NFILZ: variants seen among roughly 807,000 people sequenced by gnomAD.
NFILZ encodes the protein NFIL3 like protein.
intron 3 of NFILZ, among the ~76,000 whole-genome samples, chr19:8,649,587 A>G (rs1219026045): frequency 6.6e-6 from 1 of 152,014 alleles, no homozygotes; most frequent in Non-Finnish European, 1.5e-5. Context: ...TTTTCAAAGC[A>G]TAATTTTTCC....
intron 3 of NFILZ, among the ~76,000 whole-genome samples, chr19:8,640,117 G>A (rs1026113345): frequency 5.9e-5 from 9 of 151,962 alleles, no homozygotes; most frequent in Admixed American, 1.3e-4. Flanking sequence ...TCATGGTTGC[G>A]TCTTGGCCTG....
At chr19:8,660,356 G>A (rs2043023812) in intron 3 of NFILZ, among the ~76,000 whole-genome samples, 2 of 151,874 alleles carry the variant, frequency 1.3e-5, no homozygotes, top group South Asian at 4.2e-4. Flanking sequence ...AGACACAGAG[G>A]GGGAATGGTC....
At chr19:8,653,793 G>A (rs1227977935) in intron 3 of NFILZ, among the ~76,000 whole-genome samples, 15 of 152,204 alleles carry the variant, frequency 9.9e-5, no homozygotes, top group Admixed American at 6.6e-5. Context: ...GCATAGAATG[G>A]CATCATGGAT....
chr19:8,671,303 A>G (rs2043085754), intron 3 of NFILZ, among the ~76,000 whole-genome samples: 1 of 152,022 alleles, frequency 6.6e-6, no homozygotes. Flanking sequence ...CTGCGACCAC[A>G]GGAAGGCCCA....
At chr19:8,653,858 A>C (rs11878369) in intron 3 of NFILZ, among the ~76,000 whole-genome samples, 1 of 152,194 alleles carries the variant, frequency 6.6e-6, no homozygotes, top group South Asian at 2.1e-4. Context: ...AAAAGGCTAC[A>C]TGTTGGGTAC....
intron 3 of NFILZ, among the ~76,000 whole-genome samples, chr19:8,641,652 G>A (rs188168126): frequency 6.6e-6 from 1 of 152,252 alleles, no homozygotes; most frequent in African/African-American, 2.4e-5. Context: ...ACAGCCCTTG[G>A]TGTCAGAGTA....
intron 3 of NFILZ, among the ~76,000 whole-genome samples, chr19:8,665,783 T>C (rs1405379093): frequency 5.9e-5 from 9 of 152,246 alleles, no homozygotes; most frequent in Admixed American, 3.9e-4. Flanking sequence ...AAAATTGGTA[T>C]CTCATGTAAA....
Position 8,658,056 on chromosome 19 carries a change from T to TA in NFILZ, c.-163-16494dup, listed in dbSNP as rs570550772. Among the ~76,000 whole-genome samples, 252 of 152,198 alleles carry TA rather than the reference T, an allele frequency of 1.7e-3. 3 individuals are homozygous for TA. Among genetic ancestry groups the TA allele is most frequent in the Non-Finnish European group, 2.8e-3 (193 of 68,028 alleles). On this transcript the variant is annotated intron_variant, in intron 3 of 5. Transcript: ENST00000691075. ...TGGGAGAGAGGACCAGCCATGCAGATATCTGGCAGGAGCATTCCAGGCAGA... is the reference window on the plus strand; with the variant it reads ...TGGGAGAGAGGACCAGCCATGCAGATAATCTGGCAGGAGCATTCCAGGCAGA...
chr19:8,649,497 C>A (rs2042955889), intron 3 of NFILZ, among the ~76,000 whole-genome samples: 1 of 151,716 alleles, frequency 6.6e-6, no homozygotes, highest in Non-Finnish European at 1.5e-5. Context: ...GAACTCCTGA[C>A]CTCAGGTGAT....
intron 2 of NFILZ, among the ~76,000 whole-genome samples, chr19:8,635,011 T>C (rs960250000): frequency 8.6e-5 from 13 of 151,708 alleles, no homozygotes; most frequent in African/African-American, 2.9e-4. Flanking sequence ...ACAACCTCAA[T>C]AGAAATACAG....
At chr19:8,663,750 G>GTGTGTATGTGTGTGTGTATGTGTGTA (rs2043047125) in intron 3 of NFILZ, among the ~76,000 whole-genome samples, 22 of 137,062 alleles carry the variant, frequency 1.6e-4, no homozygotes, top group African/African-American at 2.7e-4. Flanking sequence ...GTGTGTGTGT[G>GTGTGTATGTGTGTGTGTATGTGTGTA]TGTGTGTGTG....
intron 3 of NFILZ, among the ~76,000 whole-genome samples, chr19:8,664,331 G>A (rs1012754205): frequency 6.6e-6 from 1 of 152,140 alleles, no homozygotes; most frequent in Non-Finnish European, 1.5e-5. Flanking sequence ...CTGGGTCCTT[G>A]GCCTCACCGG....
intron 3 of NFILZ, among the ~76,000 whole-genome samples, chr19:8,637,590 G>A (rs2042900267): frequency 7.2e-6 from 1 of 139,042 alleles, no homozygotes; most frequent in African/African-American, 2.7e-5. Context: ...TCCAGCCTAG[G>A]CGACAGAGTG....
intron 3 of NFILZ, among the ~76,000 whole-genome samples, chr19:8,638,999 T>C (rs2042907546): frequency 6.6e-6 from 1 of 151,814 alleles, no homozygotes; most frequent in Non-Finnish European, 1.5e-5. Flanking sequence ...CACACCACCA[T>C]GCCCAGCTAA....
chr19:8,649,564 G>A (rs1422202694), intron 3 of NFILZ, among the ~76,000 whole-genome samples: 1 of 152,010 alleles, frequency 6.6e-6, no homozygotes, highest in Non-Finnish European at 1.5e-5. Flanking sequence ...ACCGTGCCCG[G>A]CATAATTAAG....
intron 3 of NFILZ, among the ~76,000 whole-genome samples, chr19:8,647,580 C>T (rs1329135568): frequency 1.4e-5 from 2 of 147,970 alleles, no homozygotes; most frequent in Non-Finnish European, 3.0e-5. Flanking sequence ...CCCCGCACCC[C>T]CCCCCCCAAA....
At chr19:8,663,222 G>A (rs1473570179) in intron 3 of NFILZ, among the ~76,000 whole-genome samples, 2 of 151,332 alleles carry the variant, frequency 1.3e-5, no homozygotes, top group African/African-American at 4.9e-5. Flanking sequence ...GCCTCCCAAG[G>A]TGCTGGGATT....
chr19:8,647,754 C>T (rs1555747242), intron 3 of NFILZ, among the ~76,000 whole-genome samples: 1 of 141,494 alleles, frequency 7.1e-6, no homozygotes, highest in Non-Finnish European at 1.5e-5. Context: ...GAACAACACA[C>T]ACACACACAC....
chr19:8,661,104 T>TCCCTCCCTTTC (rs2043029417), intron 3 of NFILZ, among the ~76,000 whole-genome samples: 1 of 30,310 alleles, frequency 3.3e-5, no homozygotes, highest in Non-Finnish European at 6.4e-5. Flanking sequence ...CCCTTCCTCC[T>TCCCTCCCTTTC]TCCTTCCTTC....
Sources: allele counts gnomAD v4.1 joint callset (sites outside exome capture counted in the v4.1 genomes callset), GRCh38; gene constraint gnomAD v4.1.1; transcripts MANE v1.5; gene names NCBI Gene and HGNC (gene_info 2026-07-23, HGNC 2026-07-21).